Variants in CNTNAP2 observed in about 807,000 individuals in gnomAD.
The protein encoded by CNTNAP2 is contactin associated protein 2, also known as contactin-associated protein-like 2.
CNTNAP2 carries 98 observed loss-of-function variants against 155.2 expected under a neutral mutation model. That is an observed-to-expected ratio of 0.63 (90% CI 0.54 to 0.75). CNTNAP2 has a LOEUF of 0.75. Among genes scored for constraint, CNTNAP2 ranks in the 30% least tolerant of loss-of-function variants. The pLI is 0.00. For missense variants in CNTNAP2, 1,727 were observed against 1,688.1 expected, an observed-to-expected ratio of 1.02 and a Z score of -0.40; for synonymous variants, 651 against 631.2, an observed-to-expected ratio of 1.03 and a Z score of -0.47.
At chr7:148,210,131 G>A (rs919919665) in intron 18 of CNTNAP2, among the ~76,000 whole-genome samples, 2 of 152,210 alleles carry the variant, frequency 1.3e-5, no homozygotes, top group African/African-American at 4.8e-5. Flanking sequence ...TCAGGGTAGG[G>A]GGGCCTTTAA....
intron 22 of CNTNAP2, among the ~76,000 whole-genome samples, chr7:148,400,000 C>T (rs1347792182): frequency 6.6e-6 from 1 of 152,170 alleles, no homozygotes; most frequent in Non-Finnish European, 1.5e-5. Flanking sequence ...TGCCCAGGTC[C>T]CCCACCCGAG....
At chr7:146,423,369 A>T (rs968283732) in intron 1 of CNTNAP2, among the ~76,000 whole-genome samples, 2 of 152,146 alleles carry the variant, frequency 1.3e-5, no homozygotes, top group African/African-American at 4.8e-5. Flanking sequence ...TCTTCCCCTC[A>T]AGAATTTTAT....
intron 10 of CNTNAP2, among the ~76,000 whole-genome samples, chr7:147,457,842 C>CAAA (rs10718454): frequency 4.0e-5 from 6 of 151,502 alleles, no homozygotes; most frequent in African/African-American, 1.5e-4. Flanking sequence ...AATGAATCAA[C>CAAA]AAAAAAAAAA....
At chr7:146,557,994 C>T (rs918941833) in intron 1 of CNTNAP2, among the ~76,000 whole-genome samples, 1 of 152,016 alleles carries the variant, frequency 6.6e-6, no homozygotes, top group Non-Finnish European at 1.5e-5. Flanking sequence ...TACAATCTAC[C>T]CTGTAAGTTT....
chr7:147,325,242 G>A (rs1465986284), intron 9 of CNTNAP2, among the ~76,000 whole-genome samples: 3 of 152,204 alleles, frequency 2.0e-5, no homozygotes, highest in Non-Finnish European at 4.4e-5. Flanking sequence ...GGAGGTTGCA[G>A]TGAGCCGAGA....
chr7:148,340,683 A>G (rs1360289784), intron 21 of CNTNAP2, among the ~76,000 whole-genome samples: 1 of 152,224 alleles, frequency 6.6e-6, no homozygotes, highest in African/African-American at 2.4e-5. Flanking sequence ...CACATACCCT[A>G]TTGATTTGCA....
chr7:147,276,179 A>T (rs1001742902), intron 8 of CNTNAP2, among the ~76,000 whole-genome samples: 5 of 150,978 alleles, frequency 3.3e-5, no homozygotes, highest in Admixed American at 6.6e-5. Context: ...TATCAGAGTG[A>T]TACTAGTTTC....
At chr7:146,352,044 A>C (rs1174113746) in intron 1 of CNTNAP2, among the ~76,000 whole-genome samples, 1 of 152,218 alleles carries the variant, frequency 6.6e-6, no homozygotes, top group African/African-American at 2.4e-5. Context: ...TACATTTTCA[A>C]GGTCATGACA....
intron 2 of CNTNAP2, among the ~76,000 whole-genome samples, chr7:146,798,672 A>G (rs975429642): frequency 2.0e-5 from 3 of 152,180 alleles, no homozygotes; most frequent in Non-Finnish European, 2.9e-5. Flanking sequence ...ATCAAATGCA[A>G]TTATGACATG....
At chr7:147,228,360 G>A (rs1368173112) in intron 8 of CNTNAP2, among the ~76,000 whole-genome samples, 2 of 152,164 alleles carry the variant, frequency 1.3e-5, no homozygotes, top group African/African-American at 4.8e-5. Flanking sequence ...GGCTAAAACA[G>A]TCAGTAATGT....
rs17170726 is a variant in CNTNAP2, at chr7:147,885,730, A to G, written c.2099-17835A>G. Among the ~76,000 whole-genome samples the G allele has an allele frequency of 7.8e-3, 1,194 of 152,258 alleles. 18 individuals are homozygous for G. Among genetic ancestry groups the G allele is most frequent in the African/African-American group, 0.027 (1,129 of 41,540 alleles). On this transcript the variant is annotated intron_variant, in intron 13 of 23. Coordinates refer to ENST00000361727, the MANE Select transcript of CNTNAP2 (RefSeq NM_014141.6). ...TCCTCAAATCTGATGATGTCGGCCA[A>G]CCTTTACCCTTGGAACACTGGAACA...
chr7:148,215,246 A>T (rs190805519), intron 18 of CNTNAP2, among the ~76,000 whole-genome samples: 15 of 152,328 alleles, frequency 9.8e-5, no homozygotes, highest in Admixed American at 9.1e-4. Flanking sequence ...CAGGGAGGTG[A>T]AGACAAAAGT....
At chr7:147,835,623 T>C (rs1798620569) in intron 13 of CNTNAP2, among the ~76,000 whole-genome samples, 1 of 152,190 alleles carries the variant, frequency 6.6e-6, no homozygotes, top group South Asian at 2.1e-4. Flanking sequence ...TGACTTCAAT[T>C]GTGTGCCCCA....
chr7:147,001,190 C>T (rs1008896361), intron 3 of CNTNAP2, among the ~76,000 whole-genome samples: 1 of 152,036 alleles, frequency 6.6e-6, no homozygotes, highest in African/African-American at 2.4e-5. Flanking sequence ...TGTGCTATGA[C>T]AAGGTACAGT....
chr7:146,781,227 C>CAA (rs375760321), intron 2 of CNTNAP2, among the ~76,000 whole-genome samples: 22,412 of 87,040 alleles, frequency 0.26, 2,147 homozygotes, highest in East Asian at 0.37. Context: ...GACTCCATCT[C>CAA]AAAAAAAAAA....
intron 1 of CNTNAP2, among the ~76,000 whole-genome samples, chr7:146,198,319 G>A (rs529147016): frequency 1.7e-3 from 258 of 152,282 alleles, no homozygotes; most frequent in African/African-American, 5.9e-3. Context: ...TGAAGATTCA[G>A]AAAATGTGTT....
At position 148,314,582 on chromosome 7, in the gene CNTNAP2, A is replaced by G. The variant is rs146969349; in HGVS notation, c.3475+47456A>G. On this transcript the variant is annotated intron_variant, in intron 21 of 23. Transcript: ENST00000361727. Reference sequence around the variant, plus strand: ...CCCAGAGAAAAGAGCAAGTAGAGACATGGAGAGAAGGGGTCGGGGGGTTCT... The same window carrying G: ...CCCAGAGAAAAGAGCAAGTAGAGACGTGGAGAGAAGGGGTCGGGGGGTTCT... Among the ~76,000 whole-genome samples, 877 of 152,174 alleles carry G rather than the reference A, an allele frequency of 5.8e-3. 10 individuals are homozygous for G. Among genetic ancestry groups the G allele is most frequent in the African/African-American group, 0.02 (816 of 41,526 alleles).
chr7:146,945,183 T>C (rs974315596), intron 3 of CNTNAP2, among the ~76,000 whole-genome samples: 1 of 152,240 alleles, frequency 6.6e-6, no homozygotes, highest in Admixed American at 6.5e-5. Context: ...TGTCTGTTCT[T>C]GTTATCGTCT....
chr7:146,352,750 G>GTTGTTTTTTTTTTT (rs1554421455), intron 1 of CNTNAP2, among the ~76,000 whole-genome samples: 1 of 64,338 alleles, frequency 1.6e-5, no homozygotes, highest in African/African-American at 6.4e-5. Flanking sequence ...GCATAATTCT[G>GTTGTTTTTTTTTTT]TTTTTTTTTT....
Sources: gnomAD v4.1 joint callset for allele counts (sites outside exome capture counted in the v4.1 genomes callset) on GRCh38, gnomAD v4.1.1 for gene constraint, MANE v1.5 for transcripts, NCBI Gene and HGNC (gene_info 2026-07-23, HGNC 2026-07-21) for gene names.